The following RICTOR variants were observed in gnomAD, a reference collection of about 807,000 sequenced individuals.
The protein encoded by RICTOR is RPTOR independent companion of MTOR complex 2, also known as rapamycin-insensitive companion of mTOR.
A neutral mutation model predicts 214.9 loss-of-function variants in RICTOR; 49 were observed. That is an observed-to-expected ratio of 0.23 (90% confidence interval 0.18 to 0.29). The LOEUF (loss-of-function observed/expected upper bound fraction) is 0.29, where lower values mean the gene tolerates loss of function less well. Ranked by LOEUF, RICTOR falls within the 10% of genes least tolerant of loss-of-function variation. The pLI, the probability that RICTOR is intolerant of heterozygous loss-of-function variation, is 1.00. For synonymous variants in RICTOR, 717 were observed against 711.3 expected, an observed-to-expected ratio of 1.01 and a Z score of -0.13; for missense variants, 1,625 against 2,047.0, an observed-to-expected ratio of 0.79 and a Z score of 3.98.
chr5:38,985,469 A>G (rs754941955), intron 7 of RICTOR, among the ~76,000 whole-genome samples: 3 of 152,146 alleles, frequency 2.0e-5, no homozygotes, highest in South Asian at 4.1e-4. Flanking sequence ...ATATAAATAA[A>G]TTACTTATTT....
chr5:39,008,311 A>G (rs935847031), intron 3 of RICTOR, among the ~76,000 whole-genome samples: 3 of 152,118 alleles, frequency 2.0e-5, no homozygotes, highest in Non-Finnish European at 2.9e-5. Context: ...GAATAGTTTT[A>G]TATATAGTAT....
intron 9 of RICTOR, among the ~76,000 whole-genome samples, chr5:38,977,951 T>C (rs999177424): frequency 2.0e-5 from 3 of 152,172 alleles, no homozygotes; most frequent in African/African-American, 7.2e-5. Flanking sequence ...AGTAAGTTTA[T>C]GTCTACATTA....
At chr5:39,000,531 G>T (rs1753535199) in intron 5 of RICTOR, among the ~76,000 whole-genome samples, 1 of 151,888 alleles carries the variant, frequency 6.6e-6, no homozygotes, top group African/African-American at 2.4e-5. Context: ...AAAGCTTATA[G>T]AAAGTATAAA....
At chr5:39,070,480 A>T (rs570927371) in intron 2 of RICTOR, among the ~76,000 whole-genome samples, 3 of 141,030 alleles carry the variant, frequency 2.1e-5, no homozygotes, top group Admixed American at 7.0e-5. Context: ...CGTCTCAAAT[A>T]AAAAAAAAAA....
chr5:39,053,890 C>CA (rs35354716), intron 2 of RICTOR, among the ~76,000 whole-genome samples: 21,271 of 78,136 alleles, frequency 0.27, 2,483 homozygotes, highest in East Asian at 0.39. Context: ...GACTCCGTCT[C>CA]AAAAAAAAAA....
intron 3 of RICTOR, among the ~76,000 whole-genome samples, chr5:39,017,405 G>T (rs1338560500): frequency 6.6e-6 from 1 of 152,066 alleles, no homozygotes; most frequent in Non-Finnish European, 1.5e-5. Context: ...CGGTCTTAAA[G>T]ATTTGACATT....
At chr5:38,947,133 C>T in intron 32 of RICTOR, 131 bp downstream of exon 32, 1 of 641,910 alleles carries the variant, frequency 1.6e-6, no homozygotes, top group African/African-American at 1.8e-5. Flanking sequence ...TTTCTTTAAA[C>T]AAAACGGTCT....
chr5:38,948,570 A>C (rs1224722497), intron 31 of RICTOR, among the ~76,000 whole-genome samples: 1 of 152,096 alleles, frequency 6.6e-6, no homozygotes, highest in Non-Finnish European at 1.5e-5. Context: ...TGCTTAAAAA[A>C]CAACAATACA....
intron 2 of RICTOR, among the ~76,000 whole-genome samples, chr5:39,047,460 G>C (rs577608340): frequency 6.6e-6 from 1 of 152,154 alleles, no homozygotes; most frequent in Non-Finnish European, 1.5e-5. Context: ...GTGTGGCCCC[G>C]TTCCTAACAG....
rs2112845846 is a variant in RICTOR at position 38,949,811 on chromosome 5, G to C, written c.4037C>G (p.Ser1346Cys). The change falls in exon 31 of 38, where the codon TCT (serine) becomes TGT (cysteine). Residue 1346 changes from serine to cysteine, a missense_variant. Ser to Cys is a moderately radical substitution (Grantham distance 112). Coordinates refer to ENST00000357387, the MANE Select transcript of RICTOR (RefSeq NM_152756.5). The stretch of plus-strand genomic sequence containing the variant: ...TGGAGATGCCAAAGCTTCAGAGTGA[G>C]ATAAGGATGGATGCATTCTTTGTTG... ...LQQQRMHPSL[S>C]HSEALASPAK... is the part of the protein sequence containing the mutation. The C allele has an allele frequency of 6.2e-7, 1 of 1,613,454 alleles. No homozygotes were observed. Among genetic ancestry groups the C allele is most frequent in the South Asian group, 1.1e-5 (1 of 91,058 alleles).
chr5:39,041,336 T>C (rs1757151029), intron 2 of RICTOR, among the ~76,000 whole-genome samples: 1 of 152,052 alleles, frequency 6.6e-6, no homozygotes. Flanking sequence ...TGAGAATAAA[T>C]GAAAATGGAG....
At chr5:39,029,567 T>G (rs190015730) in intron 2 of RICTOR, among the ~76,000 whole-genome samples, 7 of 152,230 alleles carry the variant, frequency 4.6e-5, no homozygotes, top group Admixed American at 3.9e-4. Context: ...CAAGTACCTA[T>G]AGTAAATTAA....
chr5:39,025,421 T>A (rs1755737328), intron 2 of RICTOR, among the ~76,000 whole-genome samples: 1 of 152,230 alleles, frequency 6.6e-6, no homozygotes, highest in African/African-American at 2.4e-5. Context: ...TATTTTGACT[T>A]TGCAGGCCAT....
At chr5:39,003,170 A>G (rs544826043) in intron 4 of RICTOR, among the ~76,000 whole-genome samples, 2 of 152,254 alleles carry the variant, frequency 1.3e-5, no homozygotes, top group South Asian at 4.1e-4. Context: ...AAGCCATATA[A>G]CATGCCTCTA....
At chr5:39,054,155 A>G (rs13166647) in intron 2 of RICTOR, among the ~76,000 whole-genome samples, 2,467 of 152,288 alleles carry the variant, frequency 0.016, 39 homozygotes, top group Non-Finnish European at 0.025. Flanking sequence ...ATGCTAAAGA[A>G]CAGATTGCCG....
intron 31 of RICTOR, chr5:38,949,256 TCA>T: frequency 1.5e-6 from 1 of 682,898 alleles, no homozygotes; most frequent in Non-Finnish European, 2.3e-6. Context: ...TATTTAATAA[TCA>T]CAGCTACTTA....
chr5:38,952,338 A>G lies in RICTOR; in HGVS notation c.2985T>C (p.His995=), dbSNP rs1484231050. The G allele has an allele frequency of 1.9e-6, 3 of 1,613,072 alleles. No homozygotes were observed. Among genetic ancestry groups the G allele is most frequent in the Non-Finnish European group, 2.5e-6 (3 of 1,179,304 alleles). Residue 995 remains histidine, a synonymous_variant, in exon 30 of 38, where the codon CAT becomes CAC. Transcript: ENST00000357387. ...LKCHNWDAVR[H]SRKHLWPVVP... ...CCACTGGCCACAGATGTTTGCGACT[A>G]TGCCTCACAGCATCCCAGTTGTGAC...
rs1303151719 is a variant in RICTOR at position 38,959,205 on chromosome 5, G to A, written c.2168C>T (p.Ala723Val). 1 of 1,590,146 alleles carries A rather than the reference G, an allele frequency of 6.3e-7. No homozygotes were observed. The highest frequency in any genetic ancestry group is 1.4e-5 in the African/African-American group (1 of 73,940). Residue 723 changes from alanine to valine, a missense_variant, in exon 22 of 38, where the codon GCA becomes GTA. Coordinates refer to ENST00000357387, the MANE Select transcript of RICTOR (RefSeq NM_152756.5). ...ARVILSKILT[A>V]ATDACRLYAT... ...CTATGTTATACTCACATCAGTAGCT[G>A]CAGTTAAAATTTTGGAAAGGATGAC...
At chr5:39,070,623 T>C (rs1005081767) in intron 2 of RICTOR, among the ~76,000 whole-genome samples, 8 of 152,208 alleles carry the variant, frequency 5.3e-5, no homozygotes, top group Non-Finnish European at 1.0e-4. Flanking sequence ...AAAATTCAAC[T>C]ATACTTTTAA....
Sources: allele counts gnomAD v4.1 joint callset (sites outside exome capture counted in the v4.1 genomes callset), GRCh38; gene constraint gnomAD v4.1.1; transcripts MANE v1.5; gene names NCBI Gene and HGNC (gene_info 2026-07-23, HGNC 2026-07-21).